LRRC4C: variants seen among roughly 807,000 people sequenced by gnomAD.
The protein encoded by LRRC4C is leucine-rich repeat-containing protein 4C.
A neutral mutation model predicts 33.6 loss-of-function variants in LRRC4C; 5 were observed. That is an observed-to-expected ratio of 0.15 (90% CI 0.08 to 0.31). The LOEUF (loss-of-function observed/expected upper bound fraction) is 0.31. LRRC4C is among the 10% of genes least tolerant of loss of function. LRRC4C has a pLI of 1.00. For missense variants in LRRC4C, 560 were observed against 796.7 expected (o/e 0.70, Z 3.58); for synonymous variants, 329 against 302.0 (o/e 1.09, Z -0.93).
intron 1 of LRRC4C, among the ~76,000 whole-genome samples, chr11:41,317,842 T>C (rs1192299686): frequency 6.6e-6 from 1 of 152,082 alleles, no homozygotes; most frequent in African/African-American, 2.4e-5. Context: ...AACAATATAT[T>C]AGCATTTTGA....
chr11:40,297,425 T>C (rs1362364306), intron 4 of LRRC4C, among the ~76,000 whole-genome samples: 1 of 152,236 alleles, frequency 6.6e-6, no homozygotes, highest in African/African-American at 2.4e-5. Context: ...TACTTTGAAT[T>C]TAAAATTCAA....
At chr11:40,562,803 C>T (rs1193487139) in intron 3 of LRRC4C, among the ~76,000 whole-genome samples, 1 of 152,114 alleles carries the variant, frequency 6.6e-6, no homozygotes, top group Non-Finnish European at 1.5e-5. Flanking sequence ...GTATTAGAAC[C>T]GAACAATTCA....
chr11:40,200,765 CAAAAAA>C (rs762650999), intron 5 of LRRC4C, among the ~76,000 whole-genome samples: 218 of 70,968 alleles, frequency 3.1e-3, no homozygotes, highest in African/African-American at 0.014. Flanking sequence ...GACTCCATCT[CAAAAAA>C]AAAAAAAAAA....
At chr11:40,776,824 T>C (rs1950018866) in intron 2 of LRRC4C, among the ~76,000 whole-genome samples, 1 of 152,140 alleles carries the variant, frequency 6.6e-6, no homozygotes, top group Non-Finnish European at 1.5e-5. Context: ...TATTAGATAG[T>C]TAATTTGAGT....
chr11:41,420,408 G>T (rs955460684), intron 1 of LRRC4C, among the ~76,000 whole-genome samples: 2 of 151,902 alleles, frequency 1.3e-5, no homozygotes, highest in Non-Finnish European at 2.9e-5. Flanking sequence ...AAAGAAGAAG[G>T]TCTATGCCAT....
At chr11:40,541,025 G>T (rs1032790591) in intron 3 of LRRC4C, among the ~76,000 whole-genome samples, 1 of 152,038 alleles carries the variant, frequency 6.6e-6, no homozygotes, top group Non-Finnish European at 1.5e-5. Flanking sequence ...CTTTATTACA[G>T]GTTTTAAATA....
chr11:40,984,407 GAAAGAA>G (rs1852828787), intron 1 of LRRC4C, among the ~76,000 whole-genome samples: 1 of 86,534 alleles, frequency 1.2e-5, no homozygotes, highest in Non-Finnish European at 3.0e-5. Flanking sequence ...AAGAAAGAAA[GAAAGAA>G]AGAGAAAGAA....
intron 1 of LRRC4C, among the ~76,000 whole-genome samples, chr11:41,210,428 G>A (rs751150053): frequency 8.5e-5 from 13 of 152,100 alleles, no homozygotes; most frequent in Non-Finnish European, 1.6e-4. Flanking sequence ...CTGCCACCAT[G>A]TAAGACATGG....
At chr11:40,180,064 C>T (rs1590632928) in intron 5 of LRRC4C, among the ~76,000 whole-genome samples, 2 of 152,124 alleles carry the variant, frequency 1.3e-5, no homozygotes, top group East Asian at 3.9e-4. Flanking sequence ...TACACCAATA[C>T]CTTGTCAATT....
intron 1 of LRRC4C, among the ~76,000 whole-genome samples, chr11:41,012,304 G>A (rs866991585): frequency 1.7e-4 from 26 of 151,912 alleles, no homozygotes; most frequent in African/African-American, 6.3e-4. Flanking sequence ...TACTTTTTTA[G>A]TTGGCACATA....
chr11:40,197,054 T>C (rs1438383857), intron 5 of LRRC4C, among the ~76,000 whole-genome samples: 2 of 152,146 alleles, frequency 1.3e-5, no homozygotes, highest in Admixed American at 6.5e-5. Flanking sequence ...AAAACAGAAA[T>C]AACACACAAC....
At chr11:41,008,342 C>G (rs1432216344) in intron 1 of LRRC4C, among the ~76,000 whole-genome samples, 2 of 152,160 alleles carry the variant, frequency 1.3e-5, no homozygotes, top group Non-Finnish European at 2.9e-5. Context: ...CCTACATTAT[C>G]TGTCCCCCGT....
rs373828808 is a variant in LRRC4C at position 40,131,244 on chromosome 11, C to T, written c.-43+9557G>A. ...CCATTGCTAAGACTTATATGTGAAC[C>T]AAAAAGATAGAAAAGGTATAAAACT... On this transcript the variant is annotated intron_variant, in intron 6 of 6. Transcript: ENST00000528697. 5.1e-4 allele frequency among the ~76,000 whole-genome samples: 78 copies of T among 151,950 alleles called. 2 individuals carry two copies. In the South Asian group the frequency reaches 0.016, roughly 31 times the overall value.
chr11:40,982,350 T>C (rs1249412039), intron 1 of LRRC4C, among the ~76,000 whole-genome samples: 1 of 152,220 alleles, frequency 6.6e-6, no homozygotes, highest in East Asian at 1.9e-4. Flanking sequence ...CAAAAATTGG[T>C]GGCTGATATA....
At chr11:41,079,830 G>C (rs1939430946) in intron 1 of LRRC4C, among the ~76,000 whole-genome samples, 2 of 152,112 alleles carry the variant, frequency 1.3e-5, no homozygotes, top group Admixed American at 1.3e-4. Flanking sequence ...TGTGCTTTGT[G>C]TGTGGCCCAA....
At chr11:41,162,646 C>A (rs551375344) in intron 1 of LRRC4C, among the ~76,000 whole-genome samples, 1 of 151,948 alleles carries the variant, frequency 6.6e-6, no homozygotes, top group Non-Finnish European at 1.5e-5. Flanking sequence ...TATTTGTGTA[C>A]CTAAAAATAT....
At chr11:41,374,844 T>C (rs1450795118) in intron 1 of LRRC4C, among the ~76,000 whole-genome samples, 1 of 152,102 alleles carries the variant, frequency 6.6e-6, no homozygotes, top group Non-Finnish European at 1.5e-5. Flanking sequence ...TAAAATATTA[T>C]AGGAAAATGG....
chr11:41,357,767 G>A (rs1404549763), intron 1 of LRRC4C, among the ~76,000 whole-genome samples: 1 of 151,862 alleles, frequency 6.6e-6, no homozygotes, highest in Non-Finnish European at 1.5e-5. Context: ...TTCCAATTTG[G>A]GATAAGACTA....
chr11:41,178,735 G>T (rs187116127), intron 1 of LRRC4C, among the ~76,000 whole-genome samples: 1 of 152,080 alleles, frequency 6.6e-6, no homozygotes, highest in African/African-American at 2.4e-5. Context: ...ACGGAGTCTC[G>T]CTCTGTCCCC....
Sources: gnomAD v4.1 joint callset for allele counts (sites outside exome capture counted in the v4.1 genomes callset) on GRCh38, gnomAD v4.1.1 for gene constraint, MANE v1.5 for transcripts, NCBI Gene and HGNC (gene_info 2026-07-23, HGNC 2026-07-21) for gene names.